CRIM1: variants seen among roughly 807,000 people sequenced by gnomAD.
CRIM1 encodes cysteine-rich motor neuron 1 protein.
In CRIM1, 32 loss-of-function variants were observed where a neutral mutation model predicts 116.4. That is an observed-to-expected ratio of 0.27 (90% CI 0.21 to 0.37). The LOEUF (loss-of-function observed/expected upper bound fraction) is 0.37, where lower values mean the gene tolerates loss of function less well. Ranked by LOEUF, CRIM1 falls within the 10% of genes least tolerant of loss-of-function variation. CRIM1 has a pLI of 1.00. For missense variants in CRIM1, 1,331 were observed against 1,354.8 expected (o/e 0.98, Z 0.28); for synonymous variants, 590 against 509.2 (o/e 1.16, Z -2.13).
At chr2:36,484,765 C>G (rs1157257078) in intron 7 of CRIM1, among the ~76,000 whole-genome samples, 2 of 152,220 alleles carry the variant, frequency 1.3e-5, no homozygotes, top group Non-Finnish European at 2.9e-5. Flanking sequence ...TTGAAGCCAA[C>G]ACCAGAGTAT....
chr2:36,396,925 A>G (rs532217689), intron 2 of CRIM1, 138 bp downstream of exon 2: 1 of 710,452 alleles, frequency 1.4e-6, no homozygotes, highest in South Asian at 2.4e-5. Context: ...ACTAAGATGC[A>G]TAAAGTTTAC....
At position 36,356,250 on chromosome 2, in the gene CRIM1, T is replaced by G; in HGVS notation, c.-43T>G. 8.2e-7 allele frequency: 1 copy of G among 1,222,660 alleles called. No homozygotes were observed. Among genetic ancestry groups the G allele is most frequent in the African/African-American group, 1.6e-5 (1 of 61,872 alleles). The allele number at this position is 1,222,660 out of a possible 1,614,324, so 75.7% of individuals were successfully genotyped here. ...GCGCAGGGGAGGGCGCCCGCCCCGC[T>G]CCCGGCCCGGCTGCGAGGAGGAGGC... On this transcript the variant is annotated 5_prime_UTR_variant, in exon 1 of 17. Transcript: ENST00000280527. The surrounding 1 kb of genome is among the most constrained non-coding windows in gnomAD (Gnocchi z 4.3).
chr2:36,445,687 T>C (rs1466166957), intron 4 of CRIM1, among the ~76,000 whole-genome samples: 1 of 152,176 alleles, frequency 6.6e-6, no homozygotes, highest in Non-Finnish European at 1.5e-5. Flanking sequence ...CAGCCTAGTT[T>C]AGCATATTCA....
chr2:36,360,812 T>A (rs1226244103), intron 1 of CRIM1, among the ~76,000 whole-genome samples: 1 of 152,148 alleles, frequency 6.6e-6, no homozygotes, highest in African/African-American at 2.4e-5. Flanking sequence ...ATTCACTCAT[T>A]AAGTAACGGG....
At chr2:36,397,546 G>A (rs972783702) in intron 2 of CRIM1, among the ~76,000 whole-genome samples, 2 of 151,910 alleles carry the variant, frequency 1.3e-5, no homozygotes, top group South Asian at 2.1e-4. Flanking sequence ...TTCTTCTTGA[G>A]GGAAAAAAGT....
chr2:36,465,226 G>A (rs1333174919), intron 5 of CRIM1, among the ~76,000 whole-genome samples: 1 of 152,124 alleles, frequency 6.6e-6, no homozygotes, highest in Non-Finnish European at 1.5e-5. Context: ...AGGATTCTTG[G>A]GTCACGAGAT....
intron 2 of CRIM1, among the ~76,000 whole-genome samples, chr2:36,407,491 G>A (rs1392211850): frequency 6.6e-6 from 1 of 152,062 alleles, no homozygotes; most frequent in Non-Finnish European, 1.5e-5. Flanking sequence ...TCGTTGTTCT[G>A]ATGTCTTGAT....
At chr2:36,443,840 T>C (rs1357133412) in intron 4 of CRIM1, among the ~76,000 whole-genome samples, 1 of 152,262 alleles carries the variant, frequency 6.6e-6, no homozygotes, top group Non-Finnish European at 1.5e-5. Context: ...CTAGCCTTTG[T>C]TCTGTCAAAC....
At chr2:36,531,178 T>C (rs987186292) in intron 13 of CRIM1, among the ~76,000 whole-genome samples, 4 of 152,216 alleles carry the variant, frequency 2.6e-5, no homozygotes, top group Admixed American at 6.5e-5. Flanking sequence ...TGATGCAATT[T>C]CTAAAGCAGC....
chr2:36,530,840 C>A (rs1158039629), intron 13 of CRIM1, among the ~76,000 whole-genome samples: 1 of 152,166 alleles, frequency 6.6e-6, no homozygotes, highest in African/African-American at 2.4e-5. Flanking sequence ...CAGCTGTCTG[C>A]GCGTCTTTTC....
At chr2:36,363,416 T>C (rs1669362115) in intron 1 of CRIM1, among the ~76,000 whole-genome samples, 1 of 151,900 alleles carries the variant, frequency 6.6e-6, no homozygotes, top group South Asian at 2.1e-4. Context: ...TTACTTGGGC[T>C]CAGTCTCTTG....
At chr2:36,487,581 G>A (rs1004377406) in intron 7 of CRIM1, among the ~76,000 whole-genome samples, 2 of 148,258 alleles carry the variant, frequency 1.3e-5, no homozygotes, top group African/African-American at 5.0e-5. Context: ...AAAGGTGGCC[G>A]ATCTAGCTGA....
intron 7 of CRIM1, 90 bp from the exon 8 acceptor site, chr2:36,499,129 A>G (rs1192529395): frequency 4.2e-6 from 4 of 958,132 alleles, no homozygotes; most frequent in African/African-American, 1.6e-5. Context: ...TGATTTTTGT[A>G]ACATTATGGT....
intron 1 of CRIM1, among the ~76,000 whole-genome samples, chr2:36,392,851 G>T (rs1235733736): frequency 6.6e-6 from 1 of 152,160 alleles, no homozygotes; most frequent in African/African-American, 2.4e-5. Flanking sequence ...GAAAATAAAA[G>T]TGTCTACGAT....
chr2:36,549,224 T>TTC lies in CRIM1; in HGVS notation c.*523_*524insTC, dbSNP rs1315257030. 2.0e-5 allele frequency: 3 copies of TTC among 152,768 alleles called. No individual in the cohort carries two copies. Among genetic ancestry groups the TTC allele is most frequent in the Non-Finnish European group, 4.4e-5 (3 of 68,192 alleles). 9.5% of individuals were successfully genotyped at this position (152,768 alleles called of 1,614,324 possible). A position where few individuals can be genotyped will look rare whatever the true frequency, so the allele number is the denominator to read the frequency against. On this transcript the variant is annotated 3_prime_UTR_variant, in exon 17 of 17. Transcript: ENST00000280527. ...ACCTTAGAACTACCAGACGAGCACA[T>TTC]CAGAACCCTTTGACAGCCATCCCAG...
At chr2:36,503,680 G>C (rs1278590994) in intron 8 of CRIM1, among the ~76,000 whole-genome samples, 1 of 152,020 alleles carries the variant, frequency 6.6e-6, no homozygotes, top group Non-Finnish European at 1.5e-5. Flanking sequence ...TTAGAGAAGG[G>C]AGTTTCTTAT....
chr2:36,497,969 T>C (rs1680718854), intron 7 of CRIM1, among the ~76,000 whole-genome samples: 1 of 152,204 alleles, frequency 6.6e-6, no homozygotes, highest in African/African-American at 2.4e-5. Flanking sequence ...TTCTGTTCTA[T>C]TCCCAGCCTG....
At chr2:36,545,421 C>T (rs551469834) in intron 15 of CRIM1, among the ~76,000 whole-genome samples, 1 of 152,206 alleles carries the variant, frequency 6.6e-6, no homozygotes, top group South Asian at 2.1e-4. Flanking sequence ...GTTCTAGAGG[C>T]TAGACTTCAA....
At chr2:36,480,199 T>A (rs1679300577) in intron 7 of CRIM1, among the ~76,000 whole-genome samples, 1 of 152,220 alleles carries the variant, frequency 6.6e-6, no homozygotes. Flanking sequence ...ATTCCTCTAG[T>A]GCTGTTATTT....
Sources: gnomAD v4.1 joint callset for allele counts (sites outside exome capture counted in the v4.1 genomes callset) on GRCh38, gnomAD v4.1.1 for gene constraint, Gnocchi (gnomAD v3.1) non-coding constraint, MANE v1.5 for transcripts, NCBI Gene and HGNC (gene_info 2026-07-23, HGNC 2026-07-21) for gene names.